PDE4D: variants seen among roughly 807,000 people sequenced by gnomAD.
PDE4D encodes 3',5'-cyclic-AMP phosphodiesterase 4D.
In PDE4D, 24 loss-of-function variants were observed where a neutral mutation model predicts 87.4. The observed-to-expected ratio is 0.27, with a 90% CI of 0.20 to 0.39. The LOEUF is 0.39. Ranked by LOEUF, PDE4D falls within the 10% of genes least tolerant of loss-of-function variation. The probability of loss-of-function intolerance (pLI) is 1.00; values close to 1 mark genes in which losing one functional copy is unlikely to be tolerated. For synonymous variants in PDE4D, 384 were observed against 383.2 expected (o/e 1.00, Z -0.02); for missense variants, 714 against 1,041.0 (o/e 0.69, Z 4.32).
At chr5:60,007,561 T>C (rs1436844454) in intron 2 of PDE4D, among the ~76,000 whole-genome samples, 1 of 152,038 alleles carries the variant, frequency 6.6e-6, no homozygotes, top group African/African-American at 2.4e-5. Flanking sequence ...CTCAGTTTTG[T>C]TACCACACAT....
At chr5:59,255,659 C>A (rs917966057) in intron 1 of PDE4D, among the ~76,000 whole-genome samples, 9 of 152,046 alleles carry the variant, frequency 5.9e-5, no homozygotes, top group African/African-American at 2.2e-4. Flanking sequence ...GACACACTGT[C>A]AAGTGCAAAA....
chr5:59,648,249 C>T (rs1055811269), intron 1 of PDE4D, among the ~76,000 whole-genome samples: 3 of 152,154 alleles, frequency 2.0e-5, no homozygotes, highest in African/African-American at 7.2e-5. Context: ...GAACAAAGTG[C>T]TCAGGAGATA....
intron 1 of PDE4D, among the ~76,000 whole-genome samples, chr5:59,753,397 A>C (rs1459281671): frequency 6.6e-6 from 1 of 152,190 alleles, no homozygotes; most frequent in Admixed American, 6.5e-5. Context: ...GATAATGGCC[A>C]GATAAACAGA....
At position 59,215,548 on chromosome 5, in the gene PDE4D, CATGCGTGT is replaced by C. The variant is rs1398467493; in HGVS notation, c.647+221_647+228del. ...AAAGTATTTTCTGGGAAAATAAATA[CATGCGTGT>C]GTGTGTGTGTGTGTGTGTGTGTGTG... On this transcript the variant is annotated intron_variant, in intron 2 of 14. Coordinates refer to ENST00000340635, the MANE Select transcript of PDE4D (RefSeq NM_001104631.2). 1.0e-4 allele frequency: 42 copies of C among 412,980 alleles called. No individual in the cohort carries two copies. In the African/African-American group the frequency reaches 1.1e-3, roughly 11 times the overall value. 25.6% of individuals were successfully genotyped at this position (412,980 alleles called of 1,614,324 possible).
chr5:59,332,245 T>G (rs1462852139), intron 1 of PDE4D, among the ~76,000 whole-genome samples: 2 of 152,208 alleles, frequency 1.3e-5, no homozygotes, highest in Non-Finnish European at 2.9e-5. Flanking sequence ...TTTTGGTTAT[T>G]TTTCTTCCCA....
chr5:59,732,711 T>C (rs930052412), intron 1 of PDE4D, among the ~76,000 whole-genome samples: 1 of 152,072 alleles, frequency 6.6e-6, no homozygotes, highest in Non-Finnish European at 1.5e-5. Flanking sequence ...AATCTTGCCT[T>C]CTGAAAAAGA....
intron 1 of PDE4D, among the ~76,000 whole-genome samples, chr5:59,771,501 A>AGAAG (rs1554081519): frequency 1.7e-5 from 2 of 117,714 alleles, no homozygotes; most frequent in Admixed American, 8.4e-5. Context: ...GAGAGAGAGA[A>AGAAG]GAAAGAAAGA....
At chr5:59,468,543 G>A (rs1269168285) in intron 1 of PDE4D, among the ~76,000 whole-genome samples, 1 of 152,104 alleles carries the variant, frequency 6.6e-6, no homozygotes, top group Non-Finnish European at 1.5e-5. Context: ...AGCACCTAAT[G>A]GCCCATGGCA....
chr5:60,179,752 G>GT (rs1784231007), intron 2 of PDE4D, among the ~76,000 whole-genome samples: 1 of 151,846 alleles, frequency 6.6e-6, no homozygotes, highest in African/African-American at 2.4e-5. Context: ...CAATTTTTTA[G>GT]TTTTCAAAAC....
intron 2 of PDE4D, among the ~76,000 whole-genome samples, chr5:60,088,724 C>T (rs759065475): frequency 6.0e-5 from 9 of 150,848 alleles, no homozygotes; most frequent in East Asian, 1.9e-4. Flanking sequence ...GTGACAAAAA[C>T]GAAAGTAAGA....
chr5:59,075,075 AACACACACACAC>A (rs70973189), intron 5 of PDE4D, among the ~76,000 whole-genome samples: 2,101 of 129,862 alleles, frequency 0.016, 30 homozygotes, highest in African/African-American at 0.034. Context: ...AAGCTTACAA[AACACACACACAC>A]ACACACACAC....
rs1561572795 is a variant in PDE4D, at chr5:59,740,943, G to A, written c.455+152225C>T. On this transcript the variant is annotated intron_variant, in intron 1 of 14. Transcript: ENST00000340635. ...CTTGCATTCAATGCACCTAGTGTAA[G>A]TCAAAGTCAGGTATGCAATATGGAA... Among the ~76,000 whole-genome samples the A allele has an allele frequency of 2.6e-5, 4 of 152,244 alleles. No individual in the cohort carries two copies. In the South Asian group the frequency reaches 6.2e-4, roughly 24 times the overall value.
chr5:59,407,954 T>C (rs1482707599), intron 1 of PDE4D, among the ~76,000 whole-genome samples: 2 of 152,164 alleles, frequency 1.3e-5, no homozygotes, highest in African/African-American at 4.8e-5. Flanking sequence ...GTGTGGAAAA[T>C]TTGCAACCTA....
chr5:58,984,263 T>G (rs1745900187), intron 11 of PDE4D, among the ~76,000 whole-genome samples: 1 of 152,230 alleles, frequency 6.6e-6, no homozygotes, highest in Non-Finnish European at 1.5e-5. Context: ...CTCTATGCCC[T>G]CACCCTGCAT....
chr5:60,432,291 C>T (rs537004682), intron 1 of PDE4D, among the ~76,000 whole-genome samples: 89 of 152,262 alleles, frequency 5.8e-4, no homozygotes, highest in African/African-American at 2.1e-3. Context: ...GGAAGAGTTC[C>T]TCCTCCTCAA....
rs1413764845 is a variant in PDE4D, at chr5:60,039,217, G to T, written c.43-50500C>A. Among the ~76,000 whole-genome samples, 3 of 152,256 alleles carry T rather than the reference G, an allele frequency of 2.0e-5. 1 individual carries two copies. Among genetic ancestry groups the T allele is most frequent in the African/African-American group, 7.2e-5 (3 of 41,524 alleles). On this transcript the variant is annotated intron_variant, in intron 2 of 16. Transcript: ENST00000502484. The stretch of plus-strand genomic sequence containing the variant: ...GTCCAAGAATGATAGACTGGATTAA[G>T]AAAATGTGGCACATATACACCATGC...
At chr5:60,162,163 C>A (rs1421583731) in intron 2 of PDE4D, among the ~76,000 whole-genome samples, 1 of 151,882 alleles carries the variant, frequency 6.6e-6, no homozygotes, top group Non-Finnish European at 1.5e-5. Flanking sequence ...GAATATATAC[C>A]CAACAAAATT....
At chr5:60,224,186 A>G (rs1562235340) in intron 1 of PDE4D, among the ~76,000 whole-genome samples, 1 of 152,104 alleles carries the variant, frequency 6.6e-6, no homozygotes, top group Admixed American at 6.5e-5. Context: ...ATTACAAAAT[A>G]TAATCTATAG....
At chr5:59,982,394 C>G (rs1053818111) in intron 3 of PDE4D, among the ~76,000 whole-genome samples, 18 of 152,222 alleles carry the variant, frequency 1.2e-4, no homozygotes, top group Admixed American at 3.9e-4. Flanking sequence ...TGCTACCTCC[C>G]CCACATTTTC....
Sources: gnomAD v4.1 joint callset for allele counts (sites outside exome capture counted in the v4.1 genomes callset) on GRCh38, gnomAD v4.1.1 for gene constraint, MANE v1.5 for transcripts, NCBI Gene and HGNC (gene_info 2026-07-23, HGNC 2026-07-21) for gene names.